ITGB1: variants seen among roughly 807,000 people sequenced by gnomAD.
ITGB1 encodes integrin subunit beta 1.
A neutral mutation model predicts 86.5 loss-of-function variants in ITGB1; 24 were observed. That is an observed-to-expected ratio of 0.28 (90% CI 0.20 to 0.39). ITGB1 has a LOEUF of 0.39. Among genes scored for constraint, ITGB1 ranks in the 10% least tolerant of loss-of-function variants. ITGB1 has a pLI of 1.00. For synonymous variants in ITGB1, 323 were observed against 316.8 expected (o/e 1.02, Z -0.21); for missense variants, 556 against 946.9 (o/e 0.59, Z 5.42).
At chr10:32,912,255 A>G in intron 11 of ITGB1, 131 bp from the exon 12 acceptor site, 2 of 706,122 alleles carry the variant, frequency 2.8e-6, no homozygotes, top group Non-Finnish European at 4.7e-6. Context: ...TGGTTTCTGC[A>G]TTTCCAACTG....
intron 11 of ITGB1, among the ~76,000 whole-genome samples, chr10:32,912,506 G>C (rs1593856985): frequency 6.6e-6 from 1 of 152,186 alleles, no homozygotes; most frequent in Non-Finnish European, 1.5e-5. Context: ...CCCGCGCCTG[G>C]CTCAGAGGGT....
intron 1 of ITGB1, among the ~76,000 whole-genome samples, chr10:32,957,170 T>C (rs899518183): frequency 5.3e-5 from 8 of 152,218 alleles, no homozygotes; most frequent in Non-Finnish European, 1.0e-4. Context: ...TTAATGTAGA[T>C]ATTACTGTTC....
Position 32,908,351 on chromosome 10 carries a change from G to GA in ITGB1, c.2331+16dup, listed in dbSNP as rs780953431. The GA allele has an allele frequency of 7.4e-6, 12 of 1,612,972 alleles. No individual in the cohort carries two copies. The highest frequency in any genetic ancestry group is 1.0e-5 in the Non-Finnish European group (12 of 1,179,058). The stretch of plus-strand genomic sequence containing the variant: ...ACTTTATAAGCCACTTTGCTTTTTG[G>GA]ATGTTTTGTAACTTACCGTGTCCCA... On this transcript the variant is annotated intron_variant, in intron 15 of 15. Transcript: ENST00000302278.
intron 11 of ITGB1, among the ~76,000 whole-genome samples, chr10:32,914,473 T>A (rs2094925212): frequency 6.6e-6 from 1 of 152,082 alleles, no homozygotes; most frequent in African/African-American, 2.4e-5. Flanking sequence ...AAGGAAGATC[T>A]ACCAAGCAAA....
chr10:32,933,877 G>A (rs965923000), intron 2 of ITGB1, among the ~76,000 whole-genome samples: 36 of 152,028 alleles, frequency 2.4e-4, no homozygotes, highest in Admixed American at 2.4e-3. Flanking sequence ...TAATGATTAT[G>A]TATTTCAATA....
At chr10:32,916,828 T>C (rs985857900) in intron 11 of ITGB1, among the ~76,000 whole-genome samples, 16 of 152,116 alleles carry the variant, frequency 1.1e-4, no homozygotes, top group South Asian at 2.1e-4. Context: ...CTTCATAGAA[T>C]TGGAAAAAAC....
chr10:32,912,174 G>A (rs201276899), intron 11 of ITGB1, 50 bp from the exon 12 acceptor site: 20 of 1,493,056 alleles, frequency 1.3e-5, no homozygotes, highest in Non-Finnish European at 1.7e-5. Context: ...AATAATTTAA[G>A]AGGTTCCAAG....
At chr10:32,938,774 G>A (rs570850194) in intron 1 of ITGB1, among the ~76,000 whole-genome samples, 1 of 152,342 alleles carries the variant, frequency 6.6e-6, no homozygotes, top group South Asian at 2.1e-4. Context: ...AGTGATATCT[G>A]TAAAAGGCGA....
chr10:32,903,805 G>C (rs1437542104), intron 15 of ITGB1, among the ~76,000 whole-genome samples: 1 of 152,130 alleles, frequency 6.6e-6, no homozygotes, highest in Non-Finnish European at 1.5e-5. Context: ...CAGGAAACTG[G>C]ATTTTGGCAA....
intron 15 of ITGB1, among the ~76,000 whole-genome samples, chr10:32,903,169 C>G (rs146629176): frequency 1.3e-5 from 2 of 151,202 alleles, no homozygotes; most frequent in African/African-American, 4.9e-5. Context: ...CTGGCCAACA[C>G]GGTAAAACCC....
Position 32,945,734 on chromosome 10 carries a change from T to C in ITGB1, c.1-10176A>G, listed in dbSNP as rs2095030025. ...GCCACATTTCTAGCATTGTGGAGCATGGTGATACTACATAAAATTCCAGAA... is the reference window on the plus strand; with the variant it reads ...GCCACATTTCTAGCATTGTGGAGCACGGTGATACTACATAAAATTCCAGAA... On this transcript the variant is annotated intron_variant, in intron 1 of 15. Transcript: ENST00000302278. Among the ~76,000 whole-genome samples the C allele has an allele frequency of 2.6e-5, 4 of 152,192 alleles. No individual in the cohort carries two copies. In the South Asian group the frequency reaches 8.3e-4, roughly 32 times the overall value.
At chr10:32,946,757 G>C (rs1231643622) in intron 1 of ITGB1, among the ~76,000 whole-genome samples, 3 of 105,878 alleles carry the variant, frequency 2.8e-5, no homozygotes, top group Admixed American at 1.1e-4. Context: ...TCTGGGGGGG[G>C]GGGGGGGATT....
chr10:32,926,923 C>A (rs1179207612), intron 5 of ITGB1, among the ~76,000 whole-genome samples: 4 of 149,850 alleles, frequency 2.7e-5, no homozygotes, highest in African/African-American at 9.7e-5. Context: ...AAATAAATTT[C>A]TGTTGTTCAT....
intron 11 of ITGB1, among the ~76,000 whole-genome samples, chr10:32,915,639 C>G (rs2094929182): frequency 6.6e-6 from 1 of 152,074 alleles, no homozygotes; most frequent in South Asian, 2.1e-4. Context: ...CTGAATAGAC[C>G]AATAACAGGC....
Position 32,932,518 on chromosome 10 carries a change from A to G in ITGB1, c.150T>C (p.Asn50=). 6.3e-7 allele frequency: 1 copy of G among 1,597,808 alleles called. No individual in the cohort carries two copies. Among genetic ancestry groups the G allele is most frequent in the Non-Finnish European group, 8.6e-7 (1 of 1,165,346 alleles). Residue 50 remains asparagine, a synonymous_variant, in exon 3 of 16, where the codon AAT becomes AAC. Coordinates refer to ENST00000302278, the MANE Select transcript of ITGB1 (RefSeq NM_002211.4). ...GGACTTGAGCAACCTTACTTACTGA[A>G]TTTGTGCACCACCCACAATTTGGCC... ...QAGPNCGWCT[N]STFLQEGMPT...
At chr10:32,932,313 T>C (rs2094986066) in intron 3 of ITGB1, among the ~76,000 whole-genome samples, 2 of 152,202 alleles carry the variant, frequency 1.3e-5, no homozygotes, top group Admixed American at 1.3e-4. Flanking sequence ...CTTTGAAACT[T>C]AGAGCAATTC....
At chr10:32,909,505 C>A in intron 14 of ITGB1, among the ~76,000 whole-genome samples, 1 of 152,166 alleles carries the variant, frequency 6.6e-6, no homozygotes, top group South Asian at 2.1e-4. Flanking sequence ...AAAATTAAAA[C>A]CTGTGGTGTT....
intron 5 of ITGB1, 40 bp downstream of exon 5, chr10:32,928,054 A>G: frequency 8.5e-7 from 1 of 1,182,410 alleles, no homozygotes; most frequent in Non-Finnish European, 1.2e-6. Context: ...AATTGCCAAG[A>G]CTTTATAATG....
chr10:32,906,749 C>T (rs2094897599), intron 15 of ITGB1, among the ~76,000 whole-genome samples: 1 of 152,114 alleles, frequency 6.6e-6, no homozygotes, highest in African/African-American at 2.4e-5. Context: ...TACTGACTCC[C>T]TGTGACAGTT....
Sources: gnomAD v4.1 joint callset for allele counts (sites outside exome capture counted in the v4.1 genomes callset) on GRCh38, gnomAD v4.1.1 for gene constraint, MANE v1.5 for transcripts, NCBI Gene and HGNC (gene_info 2026-07-23, HGNC 2026-07-21) for gene names.